The following PDE1A variants were observed in gnomAD, a reference collection of about 807,000 sequenced individuals.
The protein encoded by PDE1A is phosphodiesterase 1A, also known as dual specificity calcium/calmodulin-dependent 3',5'-cyclic nucleotide phosphodiesterase 1A.
In PDE1A, 35 loss-of-function variants were observed where a neutral mutation model predicts 61.7. That is an observed-to-expected ratio of 0.57 (90% confidence interval 0.43 to 0.75). The LOEUF (loss-of-function observed/expected upper bound fraction) is 0.75, where lower values mean the gene tolerates loss of function less well. PDE1A is among the 30% of genes least tolerant of loss of function. The pLI, the probability that PDE1A is intolerant of heterozygous loss-of-function variation, is 0.00. For missense variants in PDE1A, 597 were observed against 630.6 expected (o/e 0.95, Z 0.57); for synonymous variants, 232 against 213.2 (o/e 1.09, Z -0.77).
chr2:182,304,596 T>G (rs1158035712), intron 1 of PDE1A, among the ~76,000 whole-genome samples: 1 of 152,202 alleles, frequency 6.6e-6, no homozygotes, highest in Admixed American at 6.5e-5. Flanking sequence ...TCCTTTTACT[T>G]GAACAGTTAG....
intron 2 of PDE1A, among the ~76,000 whole-genome samples, chr2:182,515,994 G>GTGTGTGTGTGTGTGTGTGTA (rs57935552): frequency 6.9e-6 from 1 of 145,698 alleles, no homozygotes; most frequent in Non-Finnish European, 1.5e-5. Flanking sequence ...GTGTGTGTGT[G>GTGTGTGTGTGTGTGTGTGTA]TGTGTGTGTT....
At chr2:182,620,983 A>G in the PDE1A span, among the ~76,000 whole-genome samples, 1 of 152,084 alleles carries the variant, frequency 6.6e-6, no homozygotes, top group African/African-American at 2.4e-5. Context: ...GACAATTCGC[A>G]TTCCTGCCTA....
the PDE1A span, among the ~76,000 whole-genome samples, chr2:182,634,365 T>G: frequency 6.6e-6 from 1 of 152,190 alleles, no homozygotes; most frequent in Non-Finnish European, 1.5e-5. Context: ...TTTCCAATTT[T>G]TATTGTTTAA....
chr2:182,713,753 C>A, the PDE1A span, among the ~76,000 whole-genome samples: 1 of 152,226 alleles, frequency 6.6e-6, no homozygotes, highest in African/African-American at 2.4e-5. Context: ...AGCTTATGAA[C>A]TTGCTCAAGC....
At chr2:182,164,329 AG>A (rs1691539493), downstream of PDE1A, among the ~76,000 whole-genome samples, 1 of 152,138 alleles carries the variant, frequency 6.6e-6, no homozygotes, top group Non-Finnish European at 1.5e-5. Flanking sequence ...ACAGAGGACA[AG>A]AATACATGGT....
At chr2:182,209,069 G>A (rs1430007095) in intron 7 of PDE1A, among the ~76,000 whole-genome samples, 2 of 152,048 alleles carry the variant, frequency 1.3e-5, no homozygotes, top group South Asian at 2.1e-4. Flanking sequence ...GATTCAGGAG[G>A]GGCCAGAAGT....
chr2:182,402,506 C>T (rs1416298908), intron 1 of PDE1A, among the ~76,000 whole-genome samples: 2 of 152,136 alleles, frequency 1.3e-5, no homozygotes, highest in Admixed American at 6.5e-5. Context: ...CTTCCTTATA[C>T]CTTATACAGA....
the PDE1A span, among the ~76,000 whole-genome samples, chr2:182,712,186 G>C: frequency 6.6e-6 from 1 of 152,216 alleles, no homozygotes; most frequent in Admixed American, 6.5e-5. Context: ...TTCTTCACAA[G>C]TGTCAAAGTC....
chr2:182,336,852 G>C (rs114232973), intron 1 of PDE1A, among the ~76,000 whole-genome samples: 1 of 151,668 alleles, frequency 6.6e-6, no homozygotes, highest in Non-Finnish European at 1.5e-5. Flanking sequence ...GCCTGTTGGG[G>C]GTAGGGTGTG....
chr2:182,241,803 C>G, intron 2 of PDE1A: 1 of 1,510,306 alleles, frequency 6.6e-7, no homozygotes, highest in Non-Finnish European at 8.9e-7. Flanking sequence ...AATACTTACT[C>G]TATATGATTT....
intron 9 of PDE1A, 27 bp downstream of exon 9, chr2:182,201,661 A>C (rs114592967): frequency 0.021 from 33,087 of 1,555,352 alleles, 861 homozygotes; most frequent in Middle Eastern, 0.067. Context: ...AAAAAAAAAA[A>C]AACAACAAAA....
the PDE1A span, among the ~76,000 whole-genome samples, chr2:182,569,244 A>C: frequency 0.82 from 120,304 of 146,654 alleles, 49,155 homozygotes; most frequent in East Asian, 0.99. Flanking sequence ...CAGAGTGATA[A>C]CCTGTCTCAA....
At chr2:182,174,928 T>C (rs1338589410) in intron 13 of PDE1A, among the ~76,000 whole-genome samples, 1 of 152,098 alleles carries the variant, frequency 6.6e-6, no homozygotes, top group African/African-American at 2.4e-5. Flanking sequence ...TGGTGTATGA[T>C]GTTCCCTTCC....
chr2:182,441,924 A>G (rs1416132486), intron 2 of PDE1A, among the ~76,000 whole-genome samples: 1 of 152,100 alleles, frequency 6.6e-6, no homozygotes, highest in Non-Finnish European at 1.5e-5. Context: ...TAAATGAATG[A>G]ATACATTAGG....
At chr2:182,487,544 A>G (rs961113517) in intron 2 of PDE1A, among the ~76,000 whole-genome samples, 8 of 152,212 alleles carry the variant, frequency 5.3e-5, no homozygotes, top group African/African-American at 1.9e-4. Context: ...CATCTATAAA[A>G]TTGAAAACTA....
intron 2 of PDE1A, among the ~76,000 whole-genome samples, chr2:182,516,824 A>AG (rs200495644): frequency 0.12 from 9,566 of 77,678 alleles, 392 homozygotes; most frequent in Admixed American, 0.18. Context: ...AAGGAAGGGA[A>AG]GGAAGGAAGG....
At chr2:182,391,603 T>C (rs1006448436) in intron 1 of PDE1A, among the ~76,000 whole-genome samples, 3 of 152,214 alleles carry the variant, frequency 2.0e-5, no homozygotes, top group Admixed American at 1.3e-4. Context: ...TGCTCTTCTC[T>C]ATATGCCACA....
the PDE1A span, among the ~76,000 whole-genome samples, chr2:182,637,544 A>G: frequency 6.6e-6 from 1 of 152,236 alleles, no homozygotes; most frequent in Admixed American, 6.5e-5. Context: ...AGTGTGGCTA[A>G]TATAAGAAAA....
At chr2:182,470,008 C>A (rs1686926342) in intron 2 of PDE1A, among the ~76,000 whole-genome samples, 1 of 151,620 alleles carries the variant, frequency 6.6e-6, no homozygotes, top group Admixed American at 6.6e-5. Flanking sequence ...CACAGATCAC[C>A]ACAATAAATA....
Sources: allele counts gnomAD v4.1 joint callset (sites outside exome capture counted in the v4.1 genomes callset), GRCh38; gene constraint gnomAD v4.1.1; transcripts MANE v1.5; gene names NCBI Gene and HGNC (gene_info 2026-07-23, HGNC 2026-07-21).